Variants in CWH43 observed in about 807,000 individuals in gnomAD.
The protein encoded by CWH43 is cell wall biogenesis 43 C-terminal homolog, also known as PGAP2-interacting protein.
Under a neutral mutation model 85.7 loss-of-function variants are expected in CWH43, and 91 were observed. That is an observed-to-expected ratio of 1.06 (90% CI 0.90 to 1.26). CWH43 has a LOEUF of 1.26. Ranked by LOEUF, CWH43 falls within the 50% of genes most tolerant of loss-of-function variation. CWH43 has a pLI of 0.00. For synonymous variants in CWH43, 323 were observed against 293.6 expected (o/e 1.10, Z -1.02); for missense variants, 869 against 839.2 (o/e 1.04, Z -0.44).
intron 15 of CWH43, among the ~76,000 whole-genome samples, chr4:49,052,096 C>A (rs762545898): frequency 6.6e-6 from 1 of 152,126 alleles, no homozygotes; most frequent in Admixed American, 6.5e-5. Context: ...TCTCCATTCT[C>A]TTTTTCTTCT....
chr4:48,989,815 GA>G (rs1484254538), intron 2 of CWH43, among the ~76,000 whole-genome samples: 4 of 152,208 alleles, frequency 2.6e-5, no homozygotes. Flanking sequence ...GTGTCCATAG[GA>G]ATTGAAAGAC....
At chr4:49,038,375 G>A (rs1231768647) in intron 13 of CWH43, among the ~76,000 whole-genome samples, 195 bp downstream of exon 13, 6 of 152,076 alleles carry the variant, frequency 3.9e-5, no homozygotes, top group African/African-American at 1.4e-4. Flanking sequence ...ATGTGGACAG[G>A]GCTCAATGGG....
In CWH43 at chr4:48,994,807, C is replaced by A. The variant is rs776181703; in HGVS notation, c.700C>A (p.Pro234Thr). Residue 234 changes from proline to threonine, a missense_variant, in exon 5 of 16, where the codon CCT (proline) becomes ACT (threonine). This residue lies in a region of CWH43 where 152 missense variants were observed against 203.6 expected (regional missense o/e 0.75). Coordinates refer to ENST00000226432, the MANE Select transcript of CWH43 (RefSeq NM_025087.3). Reference protein sequence around the residue: ...VSGHPHPGPDPNPFGGAVLLC... With the variant: ...VSGHPHPGPDTNPFGGAVLLC... The stretch of plus-strand genomic sequence containing the variant: ...TGGGCATCCACATCCAGGGCCAGAT[C>A]CTAACCCATTTGGGTGAGTTTGGGT... The A allele has an allele frequency of 2.5e-6, 4 of 1,613,896 alleles. No homozygotes were observed. In the East Asian group the frequency reaches 6.7e-5, roughly 27 times the overall value.
At chr4:48,989,653 C>T (rs1176343017) in intron 2 of CWH43, among the ~76,000 whole-genome samples, 1 of 152,122 alleles carries the variant, frequency 6.6e-6, no homozygotes, top group Non-Finnish European at 1.5e-5. Context: ...GTCTCGAATT[C>T]CTGAGCTCAA....
intron 15 of CWH43, among the ~76,000 whole-genome samples, chr4:49,055,432 A>T (rs1577716433): frequency 1.3e-5 from 2 of 152,092 alleles, no homozygotes; most frequent in South Asian, 2.1e-4. Context: ...GATTTTCTAC[A>T]TGTGTGTTCA....
rs1256972825 is a variant in CWH43, at chr4:49,060,887, T to C, written c.2022-925T>C. 4.6e-5 allele frequency among the ~76,000 whole-genome samples: 7 copies of C among 152,296 alleles called. No individual in the cohort carries two copies. The East Asian group carries it at 1.2e-3, about 25-fold the overall frequency. ...TTCTTTTGTAAATGTATGACACATA[T>C]ATGTATGTGCGTATATCTGTGTGTA... is the stretch of plus-strand genomic sequence containing the variant. On this transcript the variant is annotated intron_variant, in intron 15 of 15. Coordinates refer to ENST00000226432, the MANE Select transcript of CWH43 (RefSeq NM_025087.3).
chr4:49,019,101 G>T (rs753504782), intron 9 of CWH43, among the ~76,000 whole-genome samples: 17 of 152,126 alleles, frequency 1.1e-4, no homozygotes, highest in Non-Finnish European at 2.2e-4. Context: ...TTTATTACCT[G>T]GTGCCAGTGA....
In CWH43 at chr4:48,989,785, G is replaced by C. The variant is rs564818299; in HGVS notation, c.235+1117G>C. ...GGATAGTGGTAAAAACTCCTGAAAA[G>C]TGTGCCCTTTACAAAATTGGTGTCC... On this transcript the variant is annotated intron_variant, in intron 2 of 15. Coordinates refer to ENST00000226432, the MANE Select transcript of CWH43 (RefSeq NM_025087.3). Among the ~76,000 whole-genome samples the C allele has an allele frequency of 7.2e-5, 11 of 152,312 alleles. No individual in the cohort carries two copies. The South Asian group carries it at 2.3e-3, about 32-fold the overall frequency.
intron 7 of CWH43, among the ~76,000 whole-genome samples, chr4:49,005,147 A>G (rs1475242949): frequency 1.3e-5 from 2 of 152,186 alleles, no homozygotes; most frequent in African/African-American, 4.8e-5. Context: ...TTTTGAAAAA[A>G]AATGATCATG....
Position 48,986,382 on chromosome 4 carries a change from G to T in CWH43, c.-48G>T. ...TGGGGGCGCAGGGCTAGGGCAGCGG[G>T]CCCGACCCGCACGGCTTTCCTGGAA... On this transcript the variant is annotated 5_prime_UTR_variant, in exon 1 of 16. Coordinates refer to ENST00000226432, the MANE Select transcript of CWH43 (RefSeq NM_025087.3). The T allele has an allele frequency of 6.5e-7, 1 of 1,537,670 alleles. No individual in the cohort carries two copies. Among genetic ancestry groups the T allele is most frequent in the Non-Finnish European group, 8.8e-7 (1 of 1,138,444 alleles).
intron 8 of CWH43, 85 bp from the exon 9 acceptor site, chr4:49,017,164 G>A: frequency 8.8e-7 from 1 of 1,131,672 alleles, no homozygotes; most frequent in Non-Finnish European, 1.3e-6. Flanking sequence ...TGGCACTGGA[G>A]CTGAGGCACT....
chr4:49,040,645 CCT>C (rs1784430316), intron 13 of CWH43, among the ~76,000 whole-genome samples: 1 of 151,922 alleles, frequency 6.6e-6, no homozygotes, highest in Non-Finnish European at 1.5e-5. Context: ...GGATATTAGC[CCT>C]TTGTCAGATG....
At chr4:49,060,801 T>C (rs1785131225) in intron 15 of CWH43, among the ~76,000 whole-genome samples, 1 of 152,190 alleles carries the variant, frequency 6.6e-6, no homozygotes, top group Non-Finnish European at 1.5e-5. Flanking sequence ...CACTGGAAAG[T>C]CCTATTTTGC....
intron 10 of CWH43, among the ~76,000 whole-genome samples, 194 bp from the exon 11 acceptor site, chr4:49,030,631 G>A (rs1784065346): frequency 6.6e-6 from 1 of 152,066 alleles, no homozygotes; most frequent in Admixed American, 6.5e-5. Flanking sequence ...TGTTTTAATT[G>A]CATTCTAAAC....
At chr4:49,020,790 G>T (rs1216210187) in intron 9 of CWH43, among the ~76,000 whole-genome samples, 1 of 152,010 alleles carries the variant, frequency 6.6e-6, no homozygotes, top group Non-Finnish European at 1.5e-5. Flanking sequence ...GTTTTGATCA[G>T]GCATTTCCCT....
intron 2 of CWH43, among the ~76,000 whole-genome samples, chr4:48,991,183 G>T (rs1782645723): frequency 6.6e-6 from 1 of 152,108 alleles, no homozygotes; most frequent in Non-Finnish European, 1.5e-5. Context: ...TCTTTTTGGG[G>T]TGATGAAATT....
Position 49,007,307 on chromosome 4 carries a change from T to G in CWH43, c.1167T>G (p.Ser389Arg). Residue 389 changes from serine to arginine, a missense_variant, in exon 8 of 16, where the codon AGT becomes AGG. Coordinates refer to ENST00000226432, the MANE Select transcript of CWH43 (RefSeq NM_025087.3). The stretch of plus-strand genomic sequence containing the variant: ...GTTCTAAAGTGCTTTTCAGAAAGAG[T>G]GAAAAATACATGAAACTTTGTAAGT... ...KNSSKVLFRK[S>R]EKYMKLFLWL... 1 of 1,600,418 alleles carries G rather than the reference T, an allele frequency of 6.2e-7. No individual in the cohort carries two copies. The highest frequency in any genetic ancestry group is 8.5e-7 in the Non-Finnish European group (1 of 1,175,350).
At chr4:48,986,760 G>A in intron 1 of CWH43, 2 of 1,274,400 alleles carry the variant, frequency 1.6e-6, no homozygotes, top group Non-Finnish European at 2.0e-6. Context: ...AATTCTCCTC[G>A]TGTCGGCCTT....
chr4:48,995,893 G>T (rs1490093277), intron 5 of CWH43, among the ~76,000 whole-genome samples: 1 of 151,998 alleles, frequency 6.6e-6, no homozygotes, highest in Non-Finnish European at 1.5e-5. Context: ...TTCTCCACAT[G>T]GTTCCAGAAT....
Sources: gnomAD v4.1 joint callset for allele counts (sites outside exome capture counted in the v4.1 genomes callset) on GRCh38, gnomAD v4.1.1 for gene constraint, gnomAD v4.1.1 regional missense constraint, MANE v1.5 for transcripts, NCBI Gene and HGNC (gene_info 2026-07-23, HGNC 2026-07-21) for gene names.